Variants in SMARCC1 observed in about 807,000 individuals in gnomAD.
The protein encoded by SMARCC1 is SWI/SNF related BAF chromatin remodeling complex subunit C1, also known as SWI/SNF complex subunit SMARCC1.
A neutral mutation model predicts 147.4 loss-of-function variants in SMARCC1; 43 were observed. The ratio of observed to expected loss-of-function variants is 0.29; its 90% CI spans 0.23 to 0.38. The LOEUF (loss-of-function observed/expected upper bound fraction) is 0.38, where lower values mean the gene tolerates loss of function less well. Ranked by LOEUF, SMARCC1 falls within the 10% of genes least tolerant of loss-of-function variation. The pLI is 1.00. For missense variants in SMARCC1, 1,119 were observed against 1,381.1 expected (o/e 0.81, Z 3.01); for synonymous variants, 495 against 484.4 (o/e 1.02, Z -0.29).
intron 25 of SMARCC1, among the ~76,000 whole-genome samples, chr3:47,617,567 A>G (rs1307535568): frequency 1.3e-5 from 2 of 152,268 alleles, no homozygotes; most frequent in East Asian, 3.8e-4. Flanking sequence ...TGCCAGGCAT[A>G]TGCCATACTT....
intron 2 of SMARCC1, among the ~76,000 whole-genome samples, chr3:47,769,722 A>T (rs1267633947): frequency 1.3e-5 from 2 of 152,166 alleles, no homozygotes. Context: ...AGGACAAATA[A>T]TATAAAGTAT....
rs1312372993 is a variant in SMARCC1, at chr3:47,635,203, G to C, written c.2633C>G (p.Ala878Gly). ...TAAAAALASAATKAKHLAAVE... is the reference protein window; with the variant it reads ...TAAAAALASAGTKAKHLAAVE... The stretch of plus-strand genomic sequence containing the variant: ...TCAGGGGCAAACCTTGGCTTTGGTA[G>C]CCGCTGAGGCAAGAGCAGCTGCTGC... Residue 878 changes from alanine to glycine, a missense_variant, in exon 24 of 28, where the codon GCT (alanine) becomes GGT (glycine). This residue lies in a region of SMARCC1 where 42 missense variants were observed against 89.4 expected (regional missense o/e 0.47). Coordinates refer to ENST00000254480, the MANE Select transcript of SMARCC1 (RefSeq NM_003074.4). The C allele has an allele frequency of 6.2e-7, 1 of 1,613,708 alleles. No homozygotes were observed. Among genetic ancestry groups the C allele is most frequent in the African/African-American group, 1.3e-5 (1 of 75,040 alleles).
At chr3:47,598,661 C>T (rs1483354983) in intron 26 of SMARCC1, among the ~76,000 whole-genome samples, 2 of 151,818 alleles carry the variant, frequency 1.3e-5, no homozygotes, top group African/African-American at 4.8e-5. Context: ...GAAACCTCGT[C>T]TCTACTAAAA....
At chr3:47,780,960 A>G (rs1425667308) in intron 1 of SMARCC1, among the ~76,000 whole-genome samples, 1 of 152,244 alleles carries the variant, frequency 6.6e-6, no homozygotes, top group East Asian at 1.9e-4. Flanking sequence ...GGTAAACACT[A>G]CGAAGAAAAT....
intron 21 of SMARCC1, among the ~76,000 whole-genome samples, chr3:47,642,698 A>T (rs1048023147): frequency 4.6e-5 from 7 of 152,190 alleles, no homozygotes; most frequent in Admixed American, 3.3e-4. Context: ...GAAGGACTGG[A>T]TCAAGTGGTG....
At chr3:47,591,618 T>C (rs1343013542) in intron 26 of SMARCC1, among the ~76,000 whole-genome samples, 1 of 151,924 alleles carries the variant, frequency 6.6e-6, no homozygotes, top group Admixed American at 6.6e-5. Context: ...CCTTAGCTCA[T>C]TGCAACCTCT....
At chr3:47,609,255 G>A (rs2032527060) in intron 26 of SMARCC1, among the ~76,000 whole-genome samples, 1 of 152,158 alleles carries the variant, frequency 6.6e-6, no homozygotes, top group Non-Finnish European at 1.5e-5. Context: ...CCAGCACTTT[G>A]GGAGGCTGAG....
At chr3:47,687,693 C>G (rs1027581252) in intron 13 of SMARCC1, among the ~76,000 whole-genome samples, 5 of 152,034 alleles carry the variant, frequency 3.3e-5, no homozygotes, top group Non-Finnish European at 7.4e-5. Flanking sequence ...GTTTTGAACT[C>G]CTGGGCTAAA....
chr3:47,728,890 G>A (rs6442081), intron 6 of SMARCC1, 135 bp downstream of exon 6: 325,424 of 497,318 alleles, frequency 0.65, 108,706 homozygotes, highest in East Asian at 0.73. Flanking sequence ...CAGCCTGGGC[G>A]ACAGACTCCA....
intron 7 of SMARCC1, among the ~76,000 whole-genome samples, chr3:47,719,682 G>A (rs1462674256): frequency 6.6e-6 from 1 of 151,996 alleles, no homozygotes; most frequent in Non-Finnish European, 1.5e-5. Context: ...CAGCCTGGGC[G>A]ACAAAGCGGG....
At chr3:47,622,711 AG>A (rs901109981) in intron 24 of SMARCC1, among the ~76,000 whole-genome samples, 2 of 152,108 alleles carry the variant, frequency 1.3e-5, no homozygotes, top group African/African-American at 4.8e-5. Context: ...AAACTTTTCT[AG>A]GGGTGGGCAG....
intron 26 of SMARCC1, among the ~76,000 whole-genome samples, chr3:47,608,946 A>G (rs1204623267): frequency 1.3e-5 from 2 of 151,944 alleles, no homozygotes; most frequent in African/African-American, 4.8e-5. Context: ...TTAGAAGGAC[A>G]TATGACATGA....
At chr3:47,777,553 A>T (rs1416469430) in intron 1 of SMARCC1, among the ~76,000 whole-genome samples, 3 of 151,874 alleles carry the variant, frequency 2.0e-5, no homozygotes, top group Non-Finnish European at 4.4e-5. Context: ...TTTTTGAGAC[A>T]CTTTCGCTCT....
At chr3:47,593,027 A>C (rs1444361380) in intron 26 of SMARCC1, among the ~76,000 whole-genome samples, 1 of 151,350 alleles carries the variant, frequency 6.6e-6, no homozygotes, top group South Asian at 2.1e-4. Flanking sequence ...GGGTTTCACT[A>C]TGTTGGCCAA....
chr3:47,769,377 G>A (rs899233526), intron 2 of SMARCC1, among the ~76,000 whole-genome samples: 2 of 151,688 alleles, frequency 1.3e-5, no homozygotes, highest in Non-Finnish European at 2.9e-5. Context: ...TTAGCCGGGC[G>A]CAGTGGCAGG....
intron 22 of SMARCC1, 103 bp downstream of exon 22, chr3:47,638,622 A>C: frequency 1.3e-6 from 1 of 770,126 alleles, no homozygotes; most frequent in Non-Finnish European, 2.3e-6. Context: ...TAGCTGATAG[A>C]ATTATTTAGA....
At chr3:47,773,189 G>A (rs1345135761) in intron 1 of SMARCC1, among the ~76,000 whole-genome samples, 1 of 151,872 alleles carries the variant, frequency 6.6e-6, no homozygotes, top group Non-Finnish European at 1.5e-5. Context: ...GTGCAGCGGT[G>A]CAATCTCGGC....
At chr3:47,675,401 G>C in intron 18 of SMARCC1, 74 bp downstream of exon 18, 1 of 689,220 alleles carries the variant, frequency 1.5e-6, no homozygotes. Context: ...GATTTGAGTA[G>C]AAAGCTCATT....
At chr3:47,729,212 A>G (rs2034338323) in intron 5 of SMARCC1, 118 bp from the exon 6 acceptor site, 1 of 631,014 alleles carries the variant, frequency 1.6e-6, no homozygotes. Flanking sequence ...GACTTTATAT[A>G]AAAAAGACTT....
Sources: gnomAD v4.1 joint callset for allele counts (sites outside exome capture counted in the v4.1 genomes callset) on GRCh38, gnomAD v4.1.1 for gene constraint, gnomAD v4.1.1 regional missense constraint, MANE v1.5 for transcripts, NCBI Gene and HGNC (gene_info 2026-07-23, HGNC 2026-07-21) for gene names.